ICA1L: variants seen among roughly 807,000 people sequenced by gnomAD.
ICA1L encodes islet cell autoantigen 1 like.
A neutral mutation model predicts 61.3 loss-of-function variants in ICA1L; 50 were observed. The ratio of observed to expected loss-of-function variants is 0.82; its 90% CI spans 0.65 to 1.03. The LOEUF is 1.03. ICA1L is among the 50% of genes least tolerant of loss of function. The pLI is 0.00. For missense variants in ICA1L, 508 were observed against 556.7 expected (o/e 0.91, Z 0.88); for synonymous variants, 161 against 191.3 (o/e 0.84, Z 1.31).
rs919037110 is a variant in ICA1L at position 202,774,489 on chromosome 2, T to C, written c.*5044A>G. The C allele has an allele frequency of 1.5e-5, 7 of 465,694 alleles. No individual in the cohort carries two copies. Among genetic ancestry groups the C allele is most frequent in the Admixed American group, 1.3e-4 (3 of 22,488 alleles). 28.8% of individuals were successfully genotyped at this position (465,694 alleles called of 1,614,324 possible). ...TTTCATGTTTTTTGTATGTGTTTTT[T>C]TAGGTTATGGTCAGTGAGGTTTAGC... On this transcript the variant is annotated 3_prime_UTR_variant, in exon 13 of 13. Transcript: ENST00000358299.
chr2:202,821,794 A>G (rs1476253817), intron 3 of ICA1L: 2 of 168,110 alleles, frequency 1.2e-5, no homozygotes, highest in Non-Finnish European at 2.5e-5. Flanking sequence ...GCCATAAATG[A>G]TGCATTTTCA....
At chr2:202,812,625 G>C (rs954340925) in intron 8 of ICA1L, among the ~76,000 whole-genome samples, 4 of 151,792 alleles carry the variant, frequency 2.6e-5, no homozygotes, top group African/African-American at 4.8e-5. Context: ...CTACACCTGG[G>C]GCATGACCTC....
intron 3 of ICA1L, 197 bp from the exon 4 acceptor site, chr2:202,821,678 GCTT>G (rs1693705956): frequency 5.6e-6 from 2 of 359,614 alleles, no homozygotes; most frequent in Non-Finnish European, 1.0e-5. Context: ...AGGGAATCTG[GCTT>G]CTTATCAGCA....
At chr2:202,829,049 T>C (rs769238238) in intron 1 of ICA1L, 33 bp from the exon 2 acceptor site, 9 of 1,507,026 alleles carry the variant, frequency 6.0e-6, no homozygotes, top group Non-Finnish European at 8.0e-6. Flanking sequence ...AAACTTCTTT[T>C]AAAAATTCTC....
At chr2:202,779,924 C>A (rs762963315) in intron 12 of ICA1L, among the ~76,000 whole-genome samples, 12 of 150,642 alleles carry the variant, frequency 8.0e-5, no homozygotes, top group African/African-American at 2.9e-4. Flanking sequence ...GGATTATAGG[C>A]CTGAACCACT....
chr2:202,867,272 T>C (rs541458511), intron 1 of ICA1L, among the ~76,000 whole-genome samples: 23 of 152,338 alleles, frequency 1.5e-4, no homozygotes, highest in African/African-American at 5.5e-4. Flanking sequence ...CATGCATTGC[T>C]TAACTGTGGG....
chr2:202,812,396 G>A (rs940170276), intron 8 of ICA1L, among the ~76,000 whole-genome samples: 9 of 152,082 alleles, frequency 5.9e-5, no homozygotes, highest in Admixed American at 3.9e-4. Flanking sequence ...GACCAACGTG[G>A]TGAAACCCTG....
Position 202,780,703 on chromosome 2 carries a change from T to C in ICA1L, c.1334-1055A>G, listed in dbSNP as rs149638198. Among the ~76,000 whole-genome samples the C allele has an allele frequency of 2.8e-3, 423 of 152,258 alleles. 1 individual carries two copies. The highest frequency in any genetic ancestry group is 0.017 in the Middle Eastern group (5 of 294). Reference sequence around the variant, plus strand: ...GACCAGAGGGCTGGGGTTTGGGGTATAGGGATCCAGAGCCCAAGGATCAGG... The same window carrying C: ...GACCAGAGGGCTGGGGTTTGGGGTACAGGGATCCAGAGCCCAAGGATCAGG... On this transcript the variant is annotated intron_variant, in intron 12 of 12. Transcript: ENST00000358299.
intron 3 of ICA1L, 143 bp downstream of exon 3, chr2:202,825,552 T>C (rs765153752): frequency 6.7e-6 from 9 of 1,350,456 alleles, no homozygotes; most frequent in Non-Finnish European, 6.7e-6. Flanking sequence ...ACTGGGGCCT[T>C]TGAGAACAGG....
chr2:202,823,748 C>T (rs1026213208), intron 3 of ICA1L, among the ~76,000 whole-genome samples: 2 of 152,144 alleles, frequency 1.3e-5, no homozygotes, highest in Non-Finnish European at 1.5e-5. Context: ...TTGCCTTTGC[C>T]AATTACTCTA....
At chr2:202,863,108 A>G (rs1175591358) in intron 1 of ICA1L, among the ~76,000 whole-genome samples, 2 of 151,946 alleles carry the variant, frequency 1.3e-5, no homozygotes, top group Non-Finnish European at 2.9e-5. Flanking sequence ...CCTGGCCAAC[A>G]TGGTGAAACC....
intron 8 of ICA1L, among the ~76,000 whole-genome samples, chr2:202,814,174 T>C (rs548976274): frequency 7.2e-5 from 11 of 152,326 alleles, no homozygotes; most frequent in African/African-American, 2.2e-4. Flanking sequence ...TTGTTGAAAT[T>C]TGACCCCACC....
intron 1 of ICA1L, among the ~76,000 whole-genome samples, chr2:202,829,404 A>G (rs919771655): frequency 6.6e-6 from 1 of 152,182 alleles, no homozygotes; most frequent in Non-Finnish European, 1.5e-5. Context: ...CTCAATAAAT[A>G]TGTTTAGCTA....
At chr2:202,871,549 G>A (rs1162592800) in intron 1 of ICA1L, 70 bp downstream of exon 1, 2 of 152,166 alleles carry the variant, frequency 1.3e-5, no homozygotes, top group African/African-American at 2.4e-5. Context: ...TGGGAACCCG[G>A]GATTTGGTCT....
chr2:202,844,892 C>T (rs570782461), intron 1 of ICA1L, among the ~76,000 whole-genome samples: 1 of 152,310 alleles, frequency 6.6e-6, no homozygotes, highest in South Asian at 2.1e-4. Context: ...CAGACGGCTG[C>T]ATTTCTTCTG....
intron 1 of ICA1L, among the ~76,000 whole-genome samples, chr2:202,839,789 CCTTT>C (rs1694270627): frequency 6.6e-6 from 1 of 151,704 alleles, no homozygotes; most frequent in South Asian, 2.1e-4. Flanking sequence ...ATGCCTTCTT[CCTTT>C]GTGATTAGAC....
At chr2:202,829,391 A>C (rs560673507) in intron 1 of ICA1L, among the ~76,000 whole-genome samples, 8 of 152,326 alleles carry the variant, frequency 5.3e-5, no homozygotes, top group African/African-American at 1.9e-4. Context: ...AAACCAAAAA[A>C]AACTCAATAA....
chr2:202,829,193 A>C (rs1452018644), intron 1 of ICA1L, 177 bp from the exon 2 acceptor site: 33 of 303,620 alleles, frequency 1.1e-4, no homozygotes, highest in Non-Finnish European at 1.6e-4. Flanking sequence ...CTAAAAATAC[A>C]AAAAAAAATT....
chr2:202,811,659 CAAA>C (rs35916411), intron 9 of ICA1L, 84 bp downstream of exon 9: 7,789 of 473,128 alleles, frequency 0.016, no homozygotes, highest in Middle Eastern at 0.021. Context: ...AAGACTGTCT[CAAA>C]AAAAAAAAAA....
Sources: gnomAD v4.1 joint callset for allele counts (sites outside exome capture counted in the v4.1 genomes callset) on GRCh38, gnomAD v4.1.1 for gene constraint, MANE v1.5 for transcripts, NCBI Gene and HGNC (gene_info 2026-07-23, HGNC 2026-07-21) for gene names.